Variants in GNPAT observed in about 807,000 individuals in gnomAD.
The protein encoded by GNPAT is glyceronephosphate O-acyltransferase, also known as dihydroxyacetone phosphate acyltransferase.
Under a neutral mutation model 78.4 loss-of-function variants are expected in GNPAT, and 30 were observed. That is an observed-to-expected ratio of 0.38 (90% confidence interval 0.29 to 0.52). GNPAT has a LOEUF of 0.52. Ranked by LOEUF, GNPAT falls within the 20% of genes least tolerant of loss-of-function variation. The pLI, the probability that GNPAT is intolerant of heterozygous loss-of-function variation, is 0.84. For missense variants in GNPAT, 714 were observed against 812.2 expected, an observed-to-expected ratio of 0.88 and a Z score of 1.47; for synonymous variants, 271 against 281.1, an observed-to-expected ratio of 0.96 and a Z score of 0.36.
At chr1:231,254,036 C>A (rs1684972985) in intron 2 of GNPAT, among the ~76,000 whole-genome samples, 1 of 152,212 alleles carries the variant, frequency 6.6e-6, no homozygotes, top group Non-Finnish European at 1.5e-5. Context: ...TGGTCTCAAA[C>A]TCCTGACCTC....
At chr1:231,273,662 G>A (rs1685629740) in intron 11 of GNPAT, among the ~76,000 whole-genome samples, 1 of 152,264 alleles carries the variant, frequency 6.6e-6, no homozygotes, top group South Asian at 2.1e-4. Context: ...CATCACCCAG[G>A]TTGTGATTTG....
intron 1 of GNPAT, among the ~76,000 whole-genome samples, chr1:231,248,476 C>G (rs1684807036): frequency 6.6e-6 from 1 of 151,776 alleles, no homozygotes; most frequent in African/African-American, 2.4e-5. Context: ...CGCCTGTAAT[C>G]CAGCGCTTTG....
intron 1 of GNPAT, among the ~76,000 whole-genome samples, chr1:231,244,188 G>A (rs992963437): frequency 1.3e-5 from 2 of 152,122 alleles, no homozygotes; most frequent in African/African-American, 4.8e-5. Flanking sequence ...TTATATTTTT[G>A]AAAGTCTGAG....
chr1:231,265,902 G>C (rs1216986358), intron 6 of GNPAT, 112 bp from the exon 7 acceptor site: 1 of 1,065,886 alleles, frequency 9.4e-7, no homozygotes, highest in African/African-American at 1.6e-5. Context: ...TATAACTGTT[G>C]ATATTTACGG....
intron 12 of GNPAT, chr1:231,275,014 C>A (rs767538387): frequency 2.6e-5 from 14 of 532,804 alleles, no homozygotes; most frequent in Non-Finnish European, 3.7e-5. Flanking sequence ...TATTTTAAAT[C>A]TTTTTCTAAT....
intron 2 of GNPAT, among the ~76,000 whole-genome samples, chr1:231,252,594 T>C (rs1684928618): frequency 6.6e-6 from 1 of 152,138 alleles, no homozygotes; most frequent in African/African-American, 2.4e-5. Flanking sequence ...AAGGAATGAC[T>C]GGCCTCATTT....
chr1:231,267,546 T>C, intron 8 of GNPAT, 134 bp from the exon 9 acceptor site: 1 of 730,964 alleles, frequency 1.4e-6, no homozygotes. Flanking sequence ...AAAGGAATAC[T>C]GTTTGCACCT....
Position 231,275,495 on chromosome 1 carries a change from A to T in GNPAT, c.1934A>T (p.Lys645Met), listed in dbSNP as rs759103681. The change falls in exon 14 of 16, where the codon AAG (lysine) becomes ATG (methionine). Residue 645 changes from lysine (K) to methionine (M), a missense_variant. Physicochemically the swap from Lys to Met is moderately conservative, Grantham distance 95. Transcript: ENST00000366647. ...AGGCTCGGAGTAGTGGAGAAGAAGA[A>T]GATGTAAGTACTGTACAAGATCCCA... ...CVRLGVVEKKKINNNCIFNVN... is the reference protein window; with the variant it reads ...CVRLGVVEKKMINNNCIFNVN... The T allele has an allele frequency of 1.0e-5, 16 of 1,565,212 alleles. No homozygotes were observed. In the African/African-American group the frequency reaches 1.1e-4, roughly 11 times the overall value.
At chr1:231,276,513 CTTTG>C (rs1429816582) in intron 15 of GNPAT, among the ~76,000 whole-genome samples, 6 of 152,238 alleles carry the variant, frequency 3.9e-5, no homozygotes, top group African/African-American at 1.2e-4. Flanking sequence ...CATCTCCACT[CTTTG>C]TTTGATGCTC....
chr1:231,276,909 G>A (rs1250521575), intron 15 of GNPAT, among the ~76,000 whole-genome samples: 2 of 152,176 alleles, frequency 1.3e-5, no homozygotes, highest in African/African-American at 2.4e-5. Context: ...TACTGTTTTT[G>A]TACCTAATCT....
At chr1:231,272,955 CAA>C (rs1424897606) in intron 11 of GNPAT, among the ~76,000 whole-genome samples, 2 of 152,122 alleles carry the variant, frequency 1.3e-5, no homozygotes, top group East Asian at 1.9e-4. Context: ...AGCCTGGTGA[CAA>C]GAGGAAGACT....
rs373418313 is a variant in GNPAT at position 231,267,777 on chromosome 1, C to A, written c.1153C>A (p.Pro385Thr). Residue 385 changes from proline to threonine, a missense_variant, in exon 9 of 16, where the codon CCC becomes ACC. Pro to Thr is a conservative substitution (Grantham distance 38). Transcript: ENST00000366647. ...GCAAATTGAAAACATGGTTTTGAGC[C>A]CCTGGACCCTAATAGTTGCTGTTCT... ...LLQIENMVLS[P>T]WTLIVAVLLQ... The A allele has an allele frequency of 3.7e-6, 6 of 1,612,752 alleles. No homozygotes were observed. In the Admixed American group the frequency reaches 5.0e-5, roughly 13 times the overall value.
Position 231,241,325 on chromosome 1 carries a change from A to T in GNPAT, c.-54A>T. 1 of 1,491,104 alleles carries T rather than the reference A, an allele frequency of 6.7e-7. No individual in the cohort carries two copies. The highest frequency in any genetic ancestry group is 9.4e-7 in the Non-Finnish European group (1 of 1,067,814). The allele number at this position is 1,491,104 out of a possible 1,614,324, so 92.4% of individuals were successfully genotyped here. Reference sequence around the variant, plus strand: ...CGAAAGAACCGCCCCCAGCAGGAGCACCACCACGGCTTAGCAAAGAATCCC... The same window carrying T: ...CGAAAGAACCGCCCCCAGCAGGAGCTCCACCACGGCTTAGCAAAGAATCCC... On this transcript the variant is annotated 5_prime_UTR_variant, in exon 1 of 16. Transcript: ENST00000366647.
chr1:231,250,571 G>A (rs1196173564), intron 1 of GNPAT, among the ~76,000 whole-genome samples: 4 of 152,132 alleles, frequency 2.6e-5, no homozygotes, highest in African/African-American at 9.7e-5. Flanking sequence ...GGTTTCAAAT[G>A]TTTGTTTTAA....
Position 231,272,325 on chromosome 1 carries a change from T to C in GNPAT, c.1536T>C (p.Ser512=). The C allele has an allele frequency of 6.3e-7, 1 of 1,577,004 alleles. No homozygotes were observed. ...TPGFRKEDVY[S]CFRFLRDVFA... ...ATTTATTTCCAGAGGATGTCTACAG[T>C]TGCTTTCGCTTCCTACGTGATGTTT... The change falls in exon 11 of 16, where the codon AGT becomes AGC. Residue 512 remains serine, a synonymous_variant. Transcript: ENST00000366647.
chr1:231,254,437 A>G (rs1016800448), intron 2 of GNPAT, among the ~76,000 whole-genome samples: 3 of 151,890 alleles, frequency 2.0e-5, no homozygotes, highest in African/African-American at 7.3e-5. Context: ...CCAGTGTCAC[A>G]GTGAAAAATT....
intron 1 of GNPAT, among the ~76,000 whole-genome samples, chr1:231,248,734 A>G (rs764439107): frequency 6.6e-6 from 1 of 152,224 alleles, no homozygotes; most frequent in Non-Finnish European, 1.5e-5. Flanking sequence ...TGGTGGTCCC[A>G]TAAGATTATA....
At position 231,252,703 on chromosome 1, in the gene GNPAT, CT is replaced by C. The variant is rs77633737; in HGVS notation, c.261+1572del. ...ACTCCTCTAAGGAATATGCTCTCTC[CT>C]TTTTTTTTTTTCTTTTGGTCCTCTA... is the stretch of plus-strand genomic sequence containing the variant. On this transcript the variant is annotated intron_variant, in intron 2 of 15. Coordinates refer to ENST00000366647, the MANE Select transcript of GNPAT (RefSeq NM_014236.4). 1.0e-3 allele frequency among the ~76,000 whole-genome samples: 147 copies of C among 145,656 alleles called. No homozygotes were observed. The Middle Eastern group carries it at 0.022, about 21-fold the overall frequency.
chr1:231,260,406 A>C, intron 2 of GNPAT, 101 bp from the exon 3 acceptor site: 1 of 807,230 alleles, frequency 1.2e-6, no homozygotes, highest in Non-Finnish European at 2.2e-6. Flanking sequence ...GAGTTATAGA[A>C]GATTAATCCA....
Sources: gnomAD v4.1 joint callset for allele counts (sites outside exome capture counted in the v4.1 genomes callset) on GRCh38, gnomAD v4.1.1 for gene constraint, MANE v1.5 for transcripts, NCBI Gene and HGNC (gene_info 2026-07-23, HGNC 2026-07-21) for gene names.